The following TERB1 variants were observed in gnomAD, a reference collection of about 807,000 sequenced individuals.
TERB1 encodes the protein telomere repeat binding bouquet formation protein 1.
TERB1 carries 63 observed loss-of-function variants against 92.3 expected under a neutral mutation model. The observed-to-expected ratio is 0.68, with a 90% CI of 0.56 to 0.84. The LOEUF (loss-of-function observed/expected upper bound fraction) is 0.84, where lower values mean the gene tolerates loss of function less well. Among genes scored for constraint, TERB1 ranks in the 40% least tolerant of loss-of-function variants. The pLI is 0.00. For missense variants in TERB1, 709 were observed against 843.7 expected (o/e 0.84, Z 1.98); for synonymous variants, 252 against 283.9 (o/e 0.89, Z 1.13).
At chr16:66,760,978 G>T (rs1267636628) in intron 16 of TERB1, among the ~76,000 whole-genome samples, 1 of 145,578 alleles carries the variant, frequency 6.9e-6, no homozygotes, top group Non-Finnish European at 1.5e-5. Flanking sequence ...CAGGCATGGT[G>T]GTGGGTGCCT....
At chr16:66,756,494 T>C (rs904795017) in intron 18 of TERB1, among the ~76,000 whole-genome samples, 5 of 152,248 alleles carry the variant, frequency 3.3e-5, no homozygotes, top group African/African-American at 1.2e-4. Context: ...TAAATACTTG[T>C]TGAGAGAAAA....
rs937727849 is a variant in TERB1, at chr16:66,772,664, A to T, written c.1197T>A (p.Asn399Lys). 1 of 1,550,448 alleles carries T rather than the reference A, an allele frequency of 6.4e-7. No homozygotes were observed. Among genetic ancestry groups the T allele is most frequent in the African/African-American group, 1.4e-5 (1 of 72,982 alleles). Residue 399 changes from asparagine to lysine, a missense_variant, in exon 13 of 19, where the codon AAT (asparagine) becomes AAA (lysine). Physicochemically the swap from Asn to Lys is moderately conservative, Grantham distance 94 (BLOSUM62 0). Coordinates refer to ENST00000433154, the MANE Select transcript of TERB1 (RefSeq NM_001136505.2). The stretch of plus-strand genomic sequence containing the variant: ...CTTTCCTCCAGTGCTCTTCAAGATT[A>T]TTCTCCTTCACACTTATGTCCTTTA... Reference protein sequence around the residue: ...QQLKDISVKENNLEEHWRKAK... With the variant: ...QQLKDISVKEKNLEEHWRKAK...
rs750706111 is a variant in TERB1, at chr16:66,791,343, TAAC to T, written c.32-327_32-325del. Among the ~76,000 whole-genome samples, 10 of 151,682 alleles carry T rather than the reference TAAC, an allele frequency of 6.6e-5. No individual in the cohort carries two copies. In the East Asian group the frequency reaches 1.7e-3, roughly 26 times the overall value. ...AAAAAAAAGTGGATAAAAATGAAAATAACAACATATGAGAATTTGTGGGATGCT... is the reference window on the plus strand; with the variant it reads ...AAAAAAAAGTGGATAAAAATGAAAATAACATATGAGAATTTGTGGGATGCT... On this transcript the variant is annotated intron_variant, in intron 3 of 18. Transcript: ENST00000433154.
chr16:66,760,130 C>CAAAAAAA (rs148772308), intron 16 of TERB1, among the ~76,000 whole-genome samples: 10 of 23,390 alleles, frequency 4.3e-4, no homozygotes, highest in Non-Finnish European at 5.3e-4. Flanking sequence ...GACTCCATCT[C>CAAAAAAA]AAAAAAAAAA....
chr16:66,779,606 A>G (rs2145173874), intron 9 of TERB1, among the ~76,000 whole-genome samples: 1 of 152,140 alleles, frequency 6.6e-6, no homozygotes, highest in South Asian at 2.1e-4. Context: ...TCAAAAAACA[A>G]ACAAACAAAA....
chr16:66,757,444 A>G (rs1469998082), intron 18 of TERB1, among the ~76,000 whole-genome samples: 1 of 152,244 alleles, frequency 6.6e-6, no homozygotes, highest in Non-Finnish European at 1.5e-5. Context: ...TTTGATGCCA[A>G]GCCCTTGTCA....
At chr16:66,785,275 T>C (rs539802833) in intron 9 of TERB1, among the ~76,000 whole-genome samples, 3 of 152,252 alleles carry the variant, frequency 2.0e-5, no homozygotes, top group Non-Finnish European at 2.9e-5. Flanking sequence ...ACTCCTGACC[T>C]CAAGTGATCC....
intron 11 of TERB1, among the ~76,000 whole-genome samples, chr16:66,776,374 A>G (rs1369222254): frequency 6.6e-6 from 1 of 152,114 alleles, no homozygotes; most frequent in Admixed American, 6.5e-5. Context: ...TCACTTACAC[A>G]AAATACCTGT....
At chr16:66,759,317 T>G in intron 16 of TERB1, 27 bp from the exon 17 acceptor site, 2 of 1,500,276 alleles carry the variant, frequency 1.3e-6, no homozygotes, top group Non-Finnish European at 1.8e-6. Context: ...TAAAGTTATG[T>G]GTAGATGTCA....
At chr16:66,791,061 T>TGG in intron 3 of TERB1, 42 bp from the exon 4 acceptor site, 1 of 1,109,940 alleles carries the variant, frequency 9.0e-7, no homozygotes, top group Non-Finnish European at 1.3e-6. Context: ...AAAAGGTTTA[T>TGG]TTCATAAACT....
chr16:66,767,824 T>A (rs974103466), intron 15 of TERB1, among the ~76,000 whole-genome samples: 1 of 151,960 alleles, frequency 6.6e-6, no homozygotes, highest in African/African-American at 2.4e-5. Context: ...GCCTCCTGGG[T>A]TGAAGCAGTT....
At chr16:66,801,398 G>T (rs576923228) in intron 1 of TERB1, 70 bp downstream of exon 1, 1 of 152,354 alleles carries the variant, frequency 6.6e-6, no homozygotes, top group Non-Finnish European at 1.5e-5. Context: ...TTCTCACGTG[G>T]GCTAAGGGCC....
Position 66,788,248 on chromosome 16 carries a change from A to T in TERB1, c.321T>A (p.Thr107=), listed in dbSNP as rs1175364424. ...LCTSELFEDL[T]WFLSNDSNIN... Reference sequence around the variant, plus strand: ...TGTTTGAATCATTAGATAAGAACCAAGTTAAGTCTTCAAACAACTCTGAAG... The same window carrying T: ...TGTTTGAATCATTAGATAAGAACCATGTTAAGTCTTCAAACAACTCTGAAG... Residue 107 remains threonine, a synonymous_variant, in exon 6 of 19, where the codon ACT becomes ACA. Transcript: ENST00000433154. 1 of 1,513,152 alleles carries T rather than the reference A, an allele frequency of 6.6e-7. No homozygotes were observed. Among genetic ancestry groups the T allele is most frequent in the South Asian group, 1.3e-5 (1 of 76,594 alleles). 93.7% of individuals were successfully genotyped at this position (1,513,152 alleles called of 1,614,324 possible). A position where few individuals can be genotyped will look rare whatever the true frequency, so the allele number is the denominator to read the frequency against.
chr16:66,781,566 C>A (rs538769528), intron 9 of TERB1, among the ~76,000 whole-genome samples: 1 of 141,346 alleles, frequency 7.1e-6, no homozygotes, highest in Admixed American at 7.6e-5. Flanking sequence ...GTAGCCCAGG[C>A]TGGAGTGCAG....
intron 9 of TERB1, among the ~76,000 whole-genome samples, chr16:66,780,048 G>A (rs998931199): frequency 6.6e-6 from 1 of 152,060 alleles, no homozygotes; most frequent in African/African-American, 2.4e-5. Flanking sequence ...TGTATTTTTG[G>A]TAGAGACAGG....
chr16:66,771,638 T>TACACACACACAC (rs57620654), intron 13 of TERB1, among the ~76,000 whole-genome samples: 2 of 142,988 alleles, frequency 1.4e-5, no homozygotes, highest in African/African-American at 5.0e-5. Flanking sequence ...TGTTACAGAA[T>TACACACACACAC]ACACACACAC....
chr16:66,763,632 C>T (rs1027165221), intron 16 of TERB1, among the ~76,000 whole-genome samples: 1 of 152,142 alleles, frequency 6.6e-6, no homozygotes, highest in East Asian at 1.9e-4. Flanking sequence ...AAAACTCCCT[C>T]TTTTTTTAAA....
rs1468267290 is a variant in TERB1 at position 66,786,030 on chromosome 16, G to A, written c.561C>T (p.Val187=). Residue 187 remains valine (V), a synonymous_variant, in exon 8 of 19, where the codon GTC becomes GTT. Coordinates refer to ENST00000433154, the MANE Select transcript of TERB1 (RefSeq NM_001136505.2). ...SSVCSTLCVC[V]NNPQNDENQM... Reference sequence around the variant, plus strand: ...GATAATTACCATTTTGAGGATTGTTGACACAGACACACAGAGTACTACACA... The same window carrying A: ...GATAATTACCATTTTGAGGATTGTTAACACAGACACACAGAGTACTACACA... The A allele has an allele frequency of 1.3e-6, 2 of 1,547,392 alleles. No individual in the cohort carries two copies. The highest frequency in any genetic ancestry group is 1.7e-6 in the Non-Finnish European group (2 of 1,144,868).
intron 2 of TERB1, chr16:66,799,899 T>C (rs1189980378): frequency 6.6e-6 from 1 of 152,220 alleles, no homozygotes; most frequent in Non-Finnish European, 1.5e-5. Context: ...AATTCTTTAC[T>C]GTATTCTCAC....
Sources: allele counts gnomAD v4.1 joint callset (sites outside exome capture counted in the v4.1 genomes callset), GRCh38; gene constraint gnomAD v4.1.1; transcripts MANE v1.5; gene names NCBI Gene and HGNC (gene_info 2026-07-23, HGNC 2026-07-21).